Variants in HSD17B4 observed in about 807,000 individuals in gnomAD.
HSD17B4 encodes hydroxysteroid 17-beta dehydrogenase 4, also known as peroxisomal multifunctional enzyme type 2.
In HSD17B4, 70 loss-of-function variants were observed where a neutral mutation model predicts 101.0. That is an observed-to-expected ratio of 0.69 (90% CI 0.57 to 0.85). The LOEUF is 0.85. Among genes scored for constraint, HSD17B4 ranks in the 40% least tolerant of loss-of-function variants. The pLI is 0.00. For synonymous variants in HSD17B4, 347 were observed against 297.1 expected, an observed-to-expected ratio of 1.17 and a Z score of -1.73; for missense variants, 984 against 892.4, an observed-to-expected ratio of 1.10 and a Z score of -1.31.
rs1580495005 is a variant in HSD17B4, at chr5:119,456,577, A to G, written c.112+209A>G. The G allele has an allele frequency of 7.0e-6, 4 of 568,014 alleles. No homozygotes were observed. In the East Asian group the frequency reaches 9.1e-5, roughly 13 times the overall value. 35.2% of individuals were successfully genotyped at this position (568,014 alleles called of 1,614,324 possible). ...AGTTTCACAGAATTCCCAGCTTAAC[A>G]GAATTGATAACGAAGGGCTAGGGGG... On this transcript the variant is annotated intron_variant, in intron 2 of 23. Coordinates refer to ENST00000510025, the MANE Select transcript of HSD17B4 (RefSeq NM_000414.4).
intron 2 of HSD17B4, among the ~76,000 whole-genome samples, chr5:119,460,019 T>C (rs535188037): frequency 1.6e-4 from 25 of 152,098 alleles, no homozygotes; most frequent in African/African-American, 5.1e-4. Context: ...TACAGGTGCC[T>C]GCCACCGTGC....
chr5:119,458,194 T>A (rs1260137536), intron 2 of HSD17B4, among the ~76,000 whole-genome samples: 1 of 152,160 alleles, frequency 6.6e-6, no homozygotes, highest in Non-Finnish European at 1.5e-5. Flanking sequence ...CCAGATTTAG[T>A]TTAGTATTAA....
chr5:119,512,469 G>C (rs1464742633), intron 16 of HSD17B4, among the ~76,000 whole-genome samples: 1 of 151,740 alleles, frequency 6.6e-6, no homozygotes, highest in Non-Finnish European at 1.5e-5. Flanking sequence ...ACTTACAAAG[G>C]AACCCTAATA....
chr5:119,527,526 T>G (rs879711698), intron 20 of HSD17B4, among the ~76,000 whole-genome samples: 4 of 152,036 alleles, frequency 2.6e-5, no homozygotes, highest in Non-Finnish European at 5.9e-5. Context: ...TTGGCTCAAC[T>G]AGTCAATCAA....
intron 13 of HSD17B4, among the ~76,000 whole-genome samples, chr5:119,499,948 G>A (rs1044253665): frequency 3.9e-5 from 6 of 152,126 alleles, no homozygotes; most frequent in Admixed American, 2.6e-4. Context: ...AAAGCAAATA[G>A]CACATACTTG....
chr5:119,453,665 A>ATC (rs1754307288), intron 1 of HSD17B4, among the ~76,000 whole-genome samples: 1 of 152,212 alleles, frequency 6.6e-6, no homozygotes. Context: ...GTACTTTCAT[A>ATC]TCTGTATTGA....
intron 16 of HSD17B4, among the ~76,000 whole-genome samples, chr5:119,513,916 T>C (rs938798421): frequency 9.9e-5 from 15 of 152,184 alleles, no homozygotes; most frequent in African/African-American, 3.6e-4. Context: ...ACTCAGAATT[T>C]TTTAATTTTT....
Position 119,466,211 on chromosome 5 carries a change from T to C in HSD17B4, c.113-7697T>C, listed in dbSNP as rs142028753. ...AATTGGATTCAGTTTGCTAGTATTTTGTTTAGGATTTTTGTGACTGTGTTC... is the reference window on the plus strand; with the variant it reads ...AATTGGATTCAGTTTGCTAGTATTTCGTTTAGGATTTTTGTGACTGTGTTC... On this transcript the variant is annotated intron_variant, in intron 2 of 23. Coordinates refer to ENST00000510025, the MANE Select transcript of HSD17B4 (RefSeq NM_000414.4). 4.5e-4 allele frequency among the ~76,000 whole-genome samples: 68 copies of C among 152,360 alleles called. No individual in the cohort carries two copies. In the East Asian group the frequency reaches 0.013, roughly 28 times the overall value.
At chr5:119,473,780 GT>G (rs1446982685) in intron 2 of HSD17B4, 127 bp from the exon 3 acceptor site, 1 of 714,694 alleles carries the variant, frequency 1.4e-6, no homozygotes, top group Non-Finnish European at 2.6e-6. Flanking sequence ...ATGGGATAGG[GT>G]AGGAAGGAAC....
intron 2 of HSD17B4, among the ~76,000 whole-genome samples, chr5:119,469,218 T>C (rs1756112651): frequency 6.6e-6 from 1 of 152,080 alleles, no homozygotes; most frequent in African/African-American, 2.4e-5. Context: ...TTCAGGAATT[T>C]CGTAGATTTT....
Position 119,536,456 on chromosome 5 carries a change from A to G in HSD17B4, c.2027A>G (p.Tyr676Cys), listed in dbSNP as rs764128703. ...CTGAAAAGTGGTTCTGGAAAAGTGT[A>G]CCAAGGCCCTGCAAAAGGTGCTGCT... ...IDLKSGSGKV[Y>C]QGPAKGAADT... The change falls in exon 23 of 24, where the codon TAC becomes TGC. Residue 676 changes from tyrosine to cysteine, a missense_variant. By Grantham distance (194) the Tyr-to-Cys change is radical. Transcript: ENST00000510025. 4.3e-6 allele frequency: 7 copies of G among 1,612,524 alleles called. No homozygotes were observed. In the South Asian group the frequency reaches 7.7e-5, roughly 18 times the overall value.
At chr5:119,459,961 C>T (rs1200731117) in intron 2 of HSD17B4, among the ~76,000 whole-genome samples, 1 of 151,306 alleles carries the variant, frequency 6.6e-6, no homozygotes, top group South Asian at 2.1e-4. Context: ...AGCTCCACCT[C>T]CCGGGTTCAC....
At chr5:119,524,889 T>G (rs1753434584) in intron 17 of HSD17B4, among the ~76,000 whole-genome samples, 1 of 152,178 alleles carries the variant, frequency 6.6e-6, no homozygotes, top group Non-Finnish European at 1.5e-5. Context: ...TATAAACATT[T>G]ACCTTATCTG....
chr5:119,510,618 A>G (rs749752019), intron 16 of HSD17B4, among the ~76,000 whole-genome samples: 1 of 152,350 alleles, frequency 6.6e-6, no homozygotes, highest in Middle Eastern at 3.4e-3. Flanking sequence ...AAACACAGCT[A>G]TTTAATGTCT....
At chr5:119,504,765 T>C (rs999144292) in intron 14 of HSD17B4, among the ~76,000 whole-genome samples, 3 of 152,120 alleles carry the variant, frequency 2.0e-5, no homozygotes, top group African/African-American at 7.2e-5. Flanking sequence ...TAGGTCCTAC[T>C]TGTTAATCTT....
intron 17 of HSD17B4, among the ~76,000 whole-genome samples, chr5:119,524,487 A>G (rs1561484455): frequency 1.3e-5 from 2 of 152,164 alleles, no homozygotes; most frequent in East Asian, 1.9e-4. Context: ...GTTTACAGAT[A>G]CATTAAATAC....
Position 119,458,151 on chromosome 5 carries a change from G to C in HSD17B4, c.112+1783G>C, listed in dbSNP as rs143364274. On this transcript the variant is annotated intron_variant, in intron 2 of 23. Transcript: ENST00000510025. ...GTCCTGATAAAAGTCCAAGAATATA[G>C]AAGAAAAATATTTCATAAACTTGAA... 8.9e-4 allele frequency among the ~76,000 whole-genome samples: 136 copies of C among 152,234 alleles called. 1 individual carries two copies. Among genetic ancestry groups the C allele is most frequent in the African/African-American group, 3.2e-3 (132 of 41,544 alleles).
intron 20 of HSD17B4, among the ~76,000 whole-genome samples, chr5:119,527,959 G>A (rs1041619097): frequency 1.3e-5 from 2 of 152,082 alleles, no homozygotes; most frequent in Non-Finnish European, 2.9e-5. Context: ...TTATTTGCAA[G>A]TTATTAAAAG....
intron 1 of HSD17B4, among the ~76,000 whole-genome samples, chr5:119,455,106 CA>C (rs1202564766): frequency 6.6e-6 from 1 of 151,910 alleles, no homozygotes; most frequent in Non-Finnish European, 1.5e-5. Flanking sequence ...TACAGAAAAA[CA>C]ATCCAGAAGT....
Sources: gnomAD v4.1 joint callset for allele counts (sites outside exome capture counted in the v4.1 genomes callset) on GRCh38, gnomAD v4.1.1 for gene constraint, MANE v1.5 for transcripts, NCBI Gene and HGNC (gene_info 2026-07-23, HGNC 2026-07-21) for gene names.